The following LRRC63 variants were observed in gnomAD, a reference collection of about 807,000 sequenced individuals.
The protein encoded by LRRC63 is leucine-rich repeat-containing protein 63.
A neutral mutation model predicts 49.5 loss-of-function variants in LRRC63; 40 were observed. The ratio of observed to expected loss-of-function variants is 0.81; its 90% CI spans 0.63 to 1.05. The LOEUF is 1.05. LRRC63 is among the 50% of genes least tolerant of loss of function. LRRC63 has a pLI of 0.00. For missense variants in LRRC63, 636 were observed against 663.1 expected, an observed-to-expected ratio of 0.96 and a Z score of 0.45; for synonymous variants, 191 against 221.1, an observed-to-expected ratio of 0.86 and a Z score of 1.21.
At chr13:46,251,128 A>C (rs2047367708) in intron 7 of LRRC63, among the ~76,000 whole-genome samples, 1 of 151,920 alleles carries the variant, frequency 6.6e-6, no homozygotes, top group South Asian at 2.1e-4. Context: ...TGAATCTCTC[A>C]GTACAAAGAG....
Position 46,249,111 on chromosome 13 carries a change from A to C in LRRC63, c.1090-1244A>C, listed in dbSNP as rs180699654. Among the ~76,000 whole-genome samples, 109 of 151,956 alleles carry C rather than the reference A, an allele frequency of 7.2e-4. 1 individual carries two copies. Among genetic ancestry groups the C allele is most frequent in the Non-Finnish European group, 5.6e-4 (38 of 67,798 alleles). ...AGATAAATGAAAATGAAAACACAAC[A>C]TACCAAAATTTCTGAGATGCATTAC... On this transcript the variant is annotated intron_variant, in intron 6 of 9. Transcript: ENST00000595396.
At chr13:46,231,533 A>T (rs368417540) in intron 4 of LRRC63, among the ~76,000 whole-genome samples, 140 of 151,754 alleles carry the variant, frequency 9.2e-4, no homozygotes, top group Middle Eastern at 6.8e-3. Flanking sequence ...TTTTTTAGAC[A>T]GAGTCTTACT....
chr13:46,217,802 T>C (rs1418126245), intron 2 of LRRC63, among the ~76,000 whole-genome samples: 1 of 152,220 alleles, frequency 6.6e-6, no homozygotes, highest in Non-Finnish European at 1.5e-5. Context: ...TTCAGGTACA[T>C]TGTGTCTTCG....
At chr13:46,267,298 A>G (rs1310778633) in intron 9 of LRRC63, among the ~76,000 whole-genome samples, 1 of 152,248 alleles carries the variant, frequency 6.6e-6, no homozygotes, top group African/African-American at 2.4e-5. Context: ...ATTTGGCTCC[A>G]GACACACTAT....
chr13:46,245,174 A>G (rs1479442850), intron 5 of LRRC63, among the ~76,000 whole-genome samples: 6 of 152,210 alleles, frequency 3.9e-5, no homozygotes, highest in African/African-American at 1.4e-4. Context: ...GTGTATAGAT[A>G]TAATTAGAAT....
rs538530962 is a variant in LRRC63 at position 46,220,396 on chromosome 13, G to T, written c.86-7116G>T. ...CCAGTTTGAACTTCCTGGTGGCTTT[G>T]TATACACTGTGCAGGGAAAACTGCC... is the stretch of plus-strand genomic sequence containing the variant. On this transcript the variant is annotated intron_variant, in intron 2 of 9. Transcript: ENST00000595396. Among the ~76,000 whole-genome samples the T allele has an allele frequency of 2.0e-5, 3 of 152,128 alleles. No individual in the cohort carries two copies. In the South Asian group the frequency reaches 6.2e-4, roughly 32 times the overall value.
At chr13:46,235,847 T>C (rs996969830) in intron 5 of LRRC63, among the ~76,000 whole-genome samples, 1 of 152,132 alleles carries the variant, frequency 6.6e-6, no homozygotes. Flanking sequence ...GTCTTAAATA[T>C]GTTCAAACTG....
At chr13:46,217,265 T>C (rs1369132797) in intron 2 of LRRC63, among the ~76,000 whole-genome samples, 2 of 152,212 alleles carry the variant, frequency 1.3e-5, no homozygotes, top group African/African-American at 4.8e-5. Context: ...GGTAGGCTAT[T>C]AATTACTGCC....
At chr13:46,219,598 C>T (rs1447632058) in intron 2 of LRRC63, among the ~76,000 whole-genome samples, 1 of 152,212 alleles carries the variant, frequency 6.6e-6, no homozygotes, top group Non-Finnish European at 1.5e-5. Flanking sequence ...AAGCCTACTT[C>T]TGTCAATTTG....
chr13:46,241,438 A>G (rs2047059937), intron 5 of LRRC63, among the ~76,000 whole-genome samples: 1 of 152,208 alleles, frequency 6.6e-6, no homozygotes, highest in African/African-American at 2.4e-5. Context: ...TAAAGACACC[A>G]AAGCAATTGC....
intron 2 of LRRC63, among the ~76,000 whole-genome samples, chr13:46,223,079 G>A: frequency 7.0e-6 from 1 of 143,120 alleles, no homozygotes. Flanking sequence ...GGGGAGGGGG[G>A]AAGGATAGCA....
At chr13:46,272,574 T>G (rs970398451) in intron 9 of LRRC63, among the ~76,000 whole-genome samples, 2 of 152,214 alleles carry the variant, frequency 1.3e-5, no homozygotes, top group African/African-American at 4.8e-5. Flanking sequence ...GGAAGGCAAT[T>G]TGACAGTTTC....
chr13:46,253,413 A>T (rs534600716), intron 7 of LRRC63, among the ~76,000 whole-genome samples: 2 of 152,168 alleles, frequency 1.3e-5, no homozygotes, highest in African/African-American at 4.8e-5. Context: ...ATTTTAATAA[A>T]CACCATAATA....
intron 8 of LRRC63, among the ~76,000 whole-genome samples, chr13:46,265,354 G>T (rs2047670068): frequency 6.6e-6 from 1 of 152,138 alleles, no homozygotes; most frequent in African/African-American, 2.4e-5. Context: ...TGTCCACATA[G>T]AATTTGTATT....
intron 1 of LRRC63, 119 bp from the exon 2 acceptor site, chr13:46,212,883 G>T: frequency 2.0e-6 from 1 of 504,584 alleles, no homozygotes; most frequent in Non-Finnish European, 3.5e-6. Context: ...AAGGAATTCT[G>T]CCTGGATTCA....
chr13:46,228,005 G>C, exon 3 of LRRC63: 5 of 1,550,992 alleles, frequency 3.2e-6, no homozygotes, highest in Non-Finnish European at 4.4e-6. Context: ...AGCACATCTC[G>C]AGAGACTTAA....
At chr13:46,236,127 A>G (rs1253693975) in intron 5 of LRRC63, among the ~76,000 whole-genome samples, 1 of 152,110 alleles carries the variant, frequency 6.6e-6, no homozygotes, top group African/African-American at 2.4e-5. Flanking sequence ...TGAAGAACAG[A>G]AAGAAAAAAA....
chr13:46,227,489 T>A, intron 2 of LRRC63, 23 bp from the exon 3 acceptor site: 1 of 1,376,854 alleles, frequency 7.3e-7, no homozygotes, highest in Non-Finnish European at 9.6e-7. Context: ...TAATTTAATT[T>A]TTCTTTTTTT....
rs560385930 is a variant in LRRC63 at position 46,244,951 on chromosome 13, T to C, written c.991-1576T>C. Among the ~76,000 whole-genome samples, 22 of 152,292 alleles carry C rather than the reference T, an allele frequency of 1.4e-4. No homozygotes were observed. The South Asian group carries it at 1.4e-3, about 10-fold the overall frequency. ...GGCTAATGAAGAACCACTCAATTAT[T>C]TGCTATTTACTAGGAAGCGTACTTA... On this transcript the variant is annotated intron_variant, in intron 5 of 9. Transcript: ENST00000595396.
Sources: allele counts gnomAD v4.1 joint callset (sites outside exome capture counted in the v4.1 genomes callset), GRCh38; gene constraint gnomAD v4.1.1; transcripts MANE v1.5; gene names NCBI Gene and HGNC (gene_info 2026-07-23, HGNC 2026-07-21).